Variants in STAT2 observed in about 807,000 individuals in gnomAD.
STAT2 encodes the protein interferon alpha induced transcriptional activator.
In STAT2, 51 loss-of-function variants were observed where a neutral mutation model predicts 122.3. The observed-to-expected ratio is 0.42, with a 90% CI of 0.33 to 0.53. The LOEUF (loss-of-function observed/expected upper bound fraction) is 0.53. Among genes scored for constraint, STAT2 ranks in the 20% least tolerant of loss-of-function variants. STAT2 has a pLI of 0.10. For synonymous variants in STAT2, 351 were observed against 394.9 expected, an observed-to-expected ratio of 0.89 and a Z score of 1.32; for missense variants, 736 against 1,010.3, an observed-to-expected ratio of 0.73 and a Z score of 3.68.
intron 12 of STAT2, 44 bp downstream of exon 12, chr12:56,350,368 C>A: frequency 6.3e-7 from 1 of 1,579,638 alleles, no homozygotes; most frequent in South Asian, 1.2e-5. Context: ...TTCTGCAGGT[C>A]ATACACTGTA....
At chr12:56,353,995 CAAAA>C (rs1187550270) in intron 8 of STAT2, among the ~76,000 whole-genome samples, 378 of 12,692 alleles carry the variant, frequency 0.03, 14 homozygotes, top group Non-Finnish European at 0.039. Flanking sequence ...GACTCCGTCT[CAAAA>C]AAAAAAAAAA....
At position 56,348,597 on chromosome 12, in the gene STAT2, T is replaced by A. The variant is rs1428065031; in HGVS notation, c.1656A>T (p.Pro552=). ...TKRESPPGKL[P]FWTWLDKILE... ...GAATTTTGTCCAGCCATGTCCAGAA[T>A]GGTAACTTGCCAGGAGGGCTCTCTC... The change falls in exon 19 of 24, where the codon CCA becomes CCT. Residue 552 remains proline, a synonymous_variant. Coordinates refer to ENST00000314128, the MANE Select transcript of STAT2 (RefSeq NM_005419.4). 6.2e-7 allele frequency: 1 copy of A among 1,614,024 alleles called. No individual in the cohort carries two copies. The highest frequency in any genetic ancestry group is 1.7e-5 in the Admixed American group (1 of 60,012).
chr12:56,354,564 G>A lies in STAT2; in HGVS notation c.684C>T (p.Ile228=), dbSNP rs558952656. Residue 228 remains isoleucine, a synonymous_variant, in exon 8 of 24, where the codon ATC becomes ATT. Coordinates refer to ENST00000314128, the MANE Select transcript of STAT2 (RefSeq NM_005419.4). The part of the protein sequence containing the change: ...KALLGRLTTL[I]ELLLPKLEEW... ...CCTCCAACTTTGGCAGCAGTAGCTC[G>A]ATTAGGGTAGTTAATCGGCCTAGCA... 8 of 1,614,164 alleles carry A rather than the reference G, an allele frequency of 5.0e-6. No homozygotes were observed. The African/African-American group carries it at 6.7e-5, about 13-fold the overall frequency.
At chr12:56,351,487 T>C in intron 8 of STAT2, 37 bp from the exon 9 acceptor site, 3 of 1,599,510 alleles carry the variant, frequency 1.9e-6, no homozygotes, top group Non-Finnish European at 2.6e-6. Flanking sequence ...AATCCATGAG[T>C]TTCCTGGATT....
chr12:56,348,244 C>A (rs1484584093), intron 19 of STAT2, among the ~76,000 whole-genome samples: 1 of 151,918 alleles, frequency 6.6e-6, no homozygotes, highest in Admixed American at 6.6e-5. Flanking sequence ...TCTGCCACCA[C>A]GCCCGGCTAA....
intron 1 of STAT2, among the ~76,000 whole-genome samples, chr12:56,359,256 T>C (rs1252850956): frequency 1.3e-5 from 2 of 152,100 alleles, no homozygotes; most frequent in Non-Finnish European, 2.9e-5. Context: ...CTGTATTGCT[T>C]TTATGATACC....
In STAT2 at chr12:56,349,015, C is replaced by G; in HGVS notation, c.1485G>C (p.Leu495Phe). The G allele has an allele frequency of 6.2e-7, 1 of 1,613,926 alleles. No homozygotes were observed. The highest frequency in any genetic ancestry group is 1.1e-5 in the South Asian group (1 of 91,030). Residue 495 changes from leucine to phenylalanine, a missense_variant, in exon 17 of 24, where the codon TTG (leucine) becomes TTC (phenylalanine). Transcript: ENST00000314128. Reference protein sequence around the residue: ...FSNPPKAPWSLLGPALSWQFS... With the variant: ...FSNPPKAPWSFLGPALSWQFS... ...ACTGCCAACTGAGAGCAGGGCCCAG[C>G]AAGCTCCAGGGGGCCTTGGGGGGGT...
chr12:56,345,524 A>AATATATATATATATAT lies in STAT2; in HGVS notation c.2102+621_2102+622insATATATATATATATAT, dbSNP rs1555169411. Among the ~76,000 whole-genome samples the AATATATATATATATAT allele has an allele frequency of 2.6e-3, 68 of 26,234 alleles. 6 individuals carry two copies. The highest frequency in any genetic ancestry group is 0.026 in the African/African-American group (48 of 1,878). The allele number at this position is 26,234 out of a possible 152,430, so 17.2% of individuals were successfully genotyped here. A position where few individuals can be genotyped will look rare whatever the true frequency, so the allele number is the denominator to read the frequency against. ...AAAAAAAAAAAAAAAAAAAAAAAAA[A>AATATATATATATATAT]ATATATATATATGCGGGGTGTGGTG... On this transcript the variant is annotated intron_variant, in intron 22 of 23. Transcript: ENST00000314128.
chr12:56,355,614 C>T (rs1879382230), intron 4 of STAT2, 82 bp from the exon 5 acceptor site: 23 of 1,596,730 alleles, frequency 1.4e-5, no homozygotes, highest in East Asian at 2.2e-5. Context: ...CACAGGATGT[C>T]GGGGGGATCC....
rs771953116 is a variant in STAT2, at chr12:56,355,798, A to G, written c.291T>C (p.Phe97=). The G allele has an allele frequency of 1.1e-5, 17 of 1,613,904 alleles. No individual in the cohort carries two copies. In the South Asian group the frequency reaches 1.8e-4, roughly 17 times the overall value. ...CAGCCAACTGGGTAGGATCCTGGGA[A>G]AAGGGCTAGAATAGGTAAACAGAAA... ...LRKFCRDIQP[F]SQDPTQLAEM... The change falls in exon 4 of 24, where the codon TTT becomes TTC. Residue 97 remains phenylalanine, a synonymous_variant. Transcript: ENST00000314128.
intron 10 of STAT2, 69 bp downstream of exon 10, chr12:56,351,029 T>C (rs1027628930): frequency 1.6e-5 from 25 of 1,586,850 alleles, no homozygotes; most frequent in Non-Finnish European, 2.2e-5. Context: ...TGGGAAGAGC[T>C]GTAAAGCCAG....
At chr12:56,350,516 G>A (rs748948055) in intron 11 of STAT2, 84 bp from the exon 12 acceptor site, 51 of 1,311,350 alleles carry the variant, frequency 3.9e-5, no homozygotes, top group Non-Finnish European at 5.2e-5. Flanking sequence ...GACAGACCTC[G>A]GTTCAAACCC....
In STAT2 at chr12:56,343,136, C is replaced by A. The variant is rs1215746945; in HGVS notation, c.*253G>T. On this transcript the variant is annotated 3_prime_UTR_variant, in exon 24 of 24. Transcript: ENST00000314128. ...GCCTGCCCCCAGGACCCCTATACCT[C>A]CCAGCACAGCAGGCAGCCTCCAGGA... is the stretch of plus-strand genomic sequence containing the variant. 2 of 441,574 alleles carry A rather than the reference C, an allele frequency of 4.5e-6. No individual in the cohort carries two copies. The highest frequency in any genetic ancestry group is 7.8e-6 in the Non-Finnish European group (2 of 256,020). 27.4% of individuals were successfully genotyped at this position (441,574 alleles called of 1,614,324 possible).
Position 56,351,195 on chromosome 12 carries a change from G to A in STAT2, c.942-5C>T. On this transcript the variant is annotated splice_polypyrimidine_tract_variant and splice_region_variant and intron_variant, in intron 9 of 23. Transcript: ENST00000314128. The stretch of plus-strand genomic sequence containing the variant: ...TGGGTTTCTACCACAAAGGCTCTGA[G>A]GAGAGAGAGGTGTGGAGAGAATATA... 1 of 1,613,448 alleles carries A rather than the reference G, an allele frequency of 6.2e-7. No homozygotes were observed. The highest frequency in any genetic ancestry group is 2.2e-5 in the East Asian group (1 of 44,866).
intron 1 of STAT2, among the ~76,000 whole-genome samples, chr12:56,358,409 C>G: frequency 6.6e-6 from 1 of 151,964 alleles, no homozygotes; most frequent in East Asian, 1.9e-4. Flanking sequence ...CCATGCCCAG[C>G]TAATTTTTGT....
At position 56,344,074 on chromosome 12, in the gene STAT2, C is replaced by G. The variant is rs767691268; in HGVS notation, c.2164G>C (p.Glu722Gln). 7 of 1,600,192 alleles carry G rather than the reference C, an allele frequency of 4.4e-6. No homozygotes were observed. Among genetic ancestry groups the G allele is most frequent in the Non-Finnish European group, 6.0e-6 (7 of 1,172,480 alleles). The change falls in exon 23 of 24, where the codon GAG becomes CAG. Residue 722 changes from glutamate to glutamine, a missense_variant. Glu to Gln is a conservative substitution (Grantham distance 29, BLOSUM62 2). Coordinates refer to ENST00000314128, the MANE Select transcript of STAT2 (RefSeq NM_005419.4). ...LKPEPELESL[E>Q]LELGLVPEPE... Reference sequence around the variant, plus strand: ...TCTGGCACCAGCCCTAGTTCCAGCTCTAATGACTCCAGCTCTGGCTCTGGC... The same window carrying G: ...TCTGGCACCAGCCCTAGTTCCAGCTGTAATGACTCCAGCTCTGGCTCTGGC...
At chr12:56,358,449 T>C (rs1879868480) in intron 1 of STAT2, among the ~76,000 whole-genome samples, 1 of 152,128 alleles carries the variant, frequency 6.6e-6, no homozygotes, top group Non-Finnish European at 1.5e-5. Context: ...TTTCACCATA[T>C]TGTCCAGGCT....
chr12:56,354,491 G>C lies in STAT2; in HGVS notation c.757C>G (p.His253Asp), dbSNP rs767067626. The change falls in exon 8 of 24, where the codon CAC becomes GAC. Residue 253 changes from histidine (H) to aspartate (D), a missense_variant. Transcript: ENST00000314128. ...QKACIRAPID[H>D]GLEQLETWFT... is the part of the protein sequence containing the mutation. The stretch of plus-strand genomic sequence containing the variant: ...CATGTCTCCAGCTGTTCCAACCCGT[G>C]GTCAATGGGAGCTCTGATGCAGGCT... 4.3e-6 allele frequency: 7 copies of C among 1,614,062 alleles called. No homozygotes were observed. The highest frequency in any genetic ancestry group is 1.6e-4 in the Middle Eastern group (1 of 6,072).
intron 19 of STAT2, among the ~76,000 whole-genome samples, chr12:56,348,087 G>GT (rs745864117): frequency 0.096 from 11,492 of 119,512 alleles, 900 homozygotes; most frequent in East Asian, 0.22. Context: ...ATTATTGGTT[G>GT]TTTTTTTTTT....
Sources: gnomAD v4.1 joint callset for allele counts (sites outside exome capture counted in the v4.1 genomes callset) on GRCh38, gnomAD v4.1.1 for gene constraint, MANE v1.5 for transcripts, NCBI Gene and HGNC (gene_info 2026-07-23, HGNC 2026-07-21) for gene names.